EIF2AK3: variants seen among roughly 807,000 people sequenced by gnomAD.
EIF2AK3 encodes the protein eukaryotic translation initiation factor 2-alpha kinase 3.
Under a neutral mutation model 113.5 loss-of-function variants are expected in EIF2AK3, and 50 were observed. The ratio of observed to expected loss-of-function variants is 0.44; its 90% CI spans 0.35 to 0.56. The LOEUF is 0.56. EIF2AK3 is among the 20% of genes least tolerant of loss of function. The pLI, the probability that EIF2AK3 is intolerant of heterozygous loss-of-function variation, is 0.00. For missense variants in EIF2AK3, 1,185 were observed against 1,378.0 expected, an observed-to-expected ratio of 0.86 and a Z score of 2.22; for synonymous variants, 448 against 495.4, an observed-to-expected ratio of 0.90 and a Z score of 1.27.
chr2:88,565,538 C>T (rs1349371449), intron 14 of EIF2AK3, among the ~76,000 whole-genome samples: 2 of 151,382 alleles, frequency 1.3e-5, no homozygotes, highest in East Asian at 2.0e-4. Flanking sequence ...GATGGGGTTT[C>T]GCCATGTTGC....
At chr2:88,626,377 A>G (rs1675859010) in intron 1 of EIF2AK3, among the ~76,000 whole-genome samples, 2 of 152,214 alleles carry the variant, frequency 1.3e-5, no homozygotes, top group South Asian at 4.1e-4. Flanking sequence ...CGCAGATGCC[A>G]GGCTCTTACC....
At chr2:88,590,047 C>A (rs1674842708) in intron 6 of EIF2AK3, among the ~76,000 whole-genome samples, 1 of 151,916 alleles carries the variant, frequency 6.6e-6, no homozygotes, top group Non-Finnish European at 1.5e-5. Flanking sequence ...ATATTCTGGC[C>A]AATGTGGTGA....
rs562642320 is a variant in EIF2AK3 at position 88,618,039 on chromosome 2, C to T, written c.309-4186G>A. Among the ~76,000 whole-genome samples, 4 of 152,138 alleles carry T rather than the reference C, an allele frequency of 2.6e-5. No individual in the cohort carries two copies. In the East Asian group the frequency reaches 5.8e-4, roughly 22 times the overall value. ...GTACAAAAATACTTTAAAAATTAGC[C>T]GGGTATGGTGGCAGATGCCTGTAGT... On this transcript the variant is annotated intron_variant, in intron 1 of 16. Transcript: ENST00000303236.
chr2:88,596,873 G>A (rs1329597482), intron 2 of EIF2AK3, among the ~76,000 whole-genome samples: 1 of 152,114 alleles, frequency 6.6e-6, no homozygotes, highest in Non-Finnish European at 1.5e-5. Context: ...CAAGACTTCT[G>A]GCCAAGAATA....
At chr2:88,565,207 T>G (rs1253580567) in intron 14 of EIF2AK3, among the ~76,000 whole-genome samples, 1 of 151,850 alleles carries the variant, frequency 6.6e-6, no homozygotes, top group Non-Finnish European at 1.5e-5. Context: ...CGGTAATTTT[T>G]ATATTTTCAG....
chr2:88,605,957 G>A (rs78528674), intron 2 of EIF2AK3, among the ~76,000 whole-genome samples: 1,801 of 152,240 alleles, frequency 0.012, 39 homozygotes, highest in African/African-American at 0.041. Flanking sequence ...TAATGAGATT[G>A]TTCAGCAGAT....
chr2:88,593,679 G>T (rs760375667), intron 3 of EIF2AK3, among the ~76,000 whole-genome samples: 1 of 152,016 alleles, frequency 6.6e-6, no homozygotes, highest in Non-Finnish European at 1.5e-5. Flanking sequence ...GAATATACAA[G>T]AAGAAATGGA....
intron 2 of EIF2AK3, among the ~76,000 whole-genome samples, chr2:88,601,741 A>G (rs1675151958): frequency 6.7e-6 from 1 of 150,028 alleles, no homozygotes; most frequent in African/African-American, 2.5e-5. Flanking sequence ...TTACCATTTT[A>G]GTATTGCTTG....
intron 14 of EIF2AK3, among the ~76,000 whole-genome samples, chr2:88,566,345 A>G (rs934435161): frequency 2.0e-5 from 3 of 151,924 alleles, no homozygotes; most frequent in Admixed American, 6.6e-5. Context: ...GATGGGGTCT[A>G]TTTTGCCCAG....
intron 11 of EIF2AK3, among the ~76,000 whole-genome samples, chr2:88,578,993 T>A (rs1674531907): frequency 6.6e-6 from 1 of 152,146 alleles, no homozygotes; most frequent in South Asian, 2.1e-4. Context: ...TTAATATATT[T>A]TAGGATTCTA....
At chr2:88,575,593 G>T in intron 12 of EIF2AK3, 147 bp from the exon 13 acceptor site, 1 of 833,968 alleles carries the variant, frequency 1.2e-6, no homozygotes, top group Non-Finnish European at 2.0e-6. Flanking sequence ...ATAAAAACAT[G>T]CAATGTGAGA....
chr2:88,626,528 G>A (rs1675862380), intron 1 of EIF2AK3, among the ~76,000 whole-genome samples: 1 of 152,224 alleles, frequency 6.6e-6, no homozygotes, highest in African/African-American at 2.4e-5. Context: ...GGGCACTACA[G>A]AGTTGTGTTT....
At chr2:88,610,054 G>A (rs1299251141) in intron 2 of EIF2AK3, among the ~76,000 whole-genome samples, 1 of 151,382 alleles carries the variant, frequency 6.6e-6, no homozygotes, top group Non-Finnish European at 1.5e-5. Context: ...CCCAGGAGTT[G>A]GAGGCTACTG....
Position 88,627,291 on chromosome 2 carries a change from G to A in EIF2AK3, c.-17C>T. 2.0e-6 allele frequency: 3 copies of A among 1,481,394 alleles called. No homozygotes were observed. Among genetic ancestry groups the A allele is most frequent in the Non-Finnish European group, 2.7e-6 (3 of 1,120,858 alleles). The allele number at this position is 1,481,394 out of a possible 1,614,324, so 91.8% of individuals were successfully genotyped here. A position where few individuals can be genotyped will look rare whatever the true frequency, so the allele number is the denominator to read the frequency against. On this transcript the variant is annotated 5_prime_UTR_variant, in exon 1 of 17. Transcript: ENST00000303236. ...GCGCTCCATCAGCGTCCCGCCCCGC[G>A]CGCAGGCATGGAGGCGCAGCCACTG... is the stretch of plus-strand genomic sequence containing the variant.
At chr2:88,598,789 T>A (rs1675078183) in intron 2 of EIF2AK3, among the ~76,000 whole-genome samples, 1 of 152,162 alleles carries the variant, frequency 6.6e-6, no homozygotes, top group African/African-American at 2.4e-5. Flanking sequence ...AAATTGATAA[T>A]GCTTATAACT....
rs376595842 is a variant in EIF2AK3 at position 88,595,655 on chromosome 2, C to T, written c.447G>A (p.Gly149=). 7.3e-5 allele frequency: 118 copies of T among 1,613,674 alleles called. No individual in the cohort carries two copies. Among genetic ancestry groups the T allele is most frequent in the Admixed American group, 2.2e-4 (13 of 59,972 alleles). The change falls in exon 3 of 17, where the codon GGG becomes GGA. Residue 149 remains glycine (G), a synonymous_variant. Transcript: ENST00000303236. ...CCAGGGAAGGAATGATCATCTTATT[C>T]CCAAATACCTAAAACAGAAGCTAAC... The part of the protein sequence containing the change: ...SSSLSKPEVF[G]NKMIIPSLDG...
intron 1 of EIF2AK3, among the ~76,000 whole-genome samples, chr2:88,621,096 C>T (rs568659022): frequency 6.6e-6 from 1 of 152,194 alleles, no homozygotes; most frequent in African/African-American, 2.4e-5. Context: ...TGTAAGTTTG[C>T]ATAAGTGGCA....
intron 10 of EIF2AK3, among the ~76,000 whole-genome samples, chr2:88,581,070 T>C (rs1674587723): frequency 6.6e-6 from 1 of 152,186 alleles, no homozygotes; most frequent in African/African-American, 2.4e-5. Context: ...GAAATGTAAG[T>C]ATCATCTTGC....
At chr2:88,626,157 C>T (rs150313540) in intron 1 of EIF2AK3, among the ~76,000 whole-genome samples, 3 of 152,260 alleles carry the variant, frequency 2.0e-5, no homozygotes, top group East Asian at 1.9e-4. Context: ...TGTGTCTAGA[C>T]TTTGAAAAGT....
Sources: gnomAD v4.1 joint callset for allele counts (sites outside exome capture counted in the v4.1 genomes callset) on GRCh38, gnomAD v4.1.1 for gene constraint, MANE v1.5 for transcripts, NCBI Gene and HGNC (gene_info 2026-07-23, HGNC 2026-07-21) for gene names.